The following PBX1 variants were observed in gnomAD, a reference collection of about 807,000 sequenced individuals.
PBX1 encodes the protein PBX homeobox 1.
In PBX1, 6 loss-of-function variants were observed where a neutral mutation model predicts 53.4. The observed-to-expected ratio is 0.11, with a 90% CI of 0.06 to 0.22. The LOEUF (loss-of-function observed/expected upper bound fraction) is 0.22. PBX1 is among the 10% of genes least tolerant of loss of function. The pLI is 1.00. For synonymous variants in PBX1, 204 were observed against 212.3 expected (o/e 0.96, Z 0.34); for missense variants, 251 against 551.4 (o/e 0.46, Z 5.46).
intron 8 of PBX1, among the ~76,000 whole-genome samples, chr1:164,835,366 G>A (rs1420325686): frequency 6.6e-6 from 1 of 151,800 alleles, no homozygotes; most frequent in African/African-American, 2.4e-5. Context: ...AGATCAAAGG[G>A]TATGCATAAG....
At chr1:164,591,594 A>G (rs1308229789) in intron 2 of PBX1, among the ~76,000 whole-genome samples, 1 of 152,218 alleles carries the variant, frequency 6.6e-6, no homozygotes, top group African/African-American at 2.4e-5. Context: ...ATCCTTGCCA[A>G]TTAATTAAAA....
intron 2 of PBX1, among the ~76,000 whole-genome samples, chr1:164,884,883 TA>T (rs1246805348): frequency 3.9e-5 from 6 of 152,198 alleles, no homozygotes; most frequent in Non-Finnish European, 1.5e-5. Context: ...ATGTGATGAA[TA>T]GCTAGGTATA....
At chr1:164,741,248 C>T (rs769684832) in intron 2 of PBX1, among the ~76,000 whole-genome samples, 22 of 152,180 alleles carry the variant, frequency 1.4e-4, no homozygotes, top group South Asian at 2.1e-4. Context: ...AGGCAGCATT[C>T]GTGGGACATG....
chr1:164,618,301 G>GGC (rs1553217615), intron 2 of PBX1, among the ~76,000 whole-genome samples: 1 of 142,182 alleles, frequency 7.0e-6, no homozygotes, highest in South Asian at 2.3e-4. Flanking sequence ...TCACGGCGGG[G>GGC]GGGGGGGGGC....
chr1:164,741,739 A>AGTGT (rs57771496), intron 2 of PBX1, among the ~76,000 whole-genome samples: 10,707 of 140,796 alleles, frequency 0.076, 445 homozygotes, highest in Middle Eastern at 0.091. Context: ...TGTATGAGTG[A>AGTGT]GTGTGTGTGT....
chr1:164,630,414 T>C (rs1344046673), intron 2 of PBX1, among the ~76,000 whole-genome samples: 2 of 152,182 alleles, frequency 1.3e-5, no homozygotes, highest in Non-Finnish European at 2.9e-5. Flanking sequence ...GATCACCTAT[T>C]TGACTAGTGG....
chr1:164,804,910 A>G (rs1352518769), intron 4 of PBX1, among the ~76,000 whole-genome samples: 1 of 152,206 alleles, frequency 6.6e-6, no homozygotes. Context: ...TTTGGGTAAA[A>G]GGTGATCTTA....
intron 2 of PBX1, among the ~76,000 whole-genome samples, chr1:164,582,445 G>T (rs945279541): frequency 1.3e-5 from 2 of 148,384 alleles, no homozygotes; most frequent in Non-Finnish European, 3.0e-5. Context: ...TTTTTGAGAC[G>T]GAGTTTCGCT....
chr1:164,852,310 A>T (rs77894393), downstream of PBX1, among the ~76,000 whole-genome samples: 3,045 of 152,268 alleles, frequency 0.02, 114 homozygotes, highest in African/African-American at 0.067. Flanking sequence ...CAGGAGTGTG[A>T]TAGATGTTAC....
At chr1:164,714,697 T>C (rs918149121) in intron 2 of PBX1, among the ~76,000 whole-genome samples, 15 of 152,290 alleles carry the variant, frequency 9.8e-5, no homozygotes, top group Middle Eastern at 6.8e-3. Flanking sequence ...AGAGACTGAG[T>C]TCTTTAGTTC....
intron 2 of PBX1, among the ~76,000 whole-genome samples, chr1:164,868,997 C>T (rs1571545624): frequency 6.6e-6 from 1 of 152,312 alleles, no homozygotes; most frequent in East Asian, 1.9e-4. Context: ...CGGCCTTTGG[C>T]AGATGGGCCT....
intron 2 of PBX1, among the ~76,000 whole-genome samples, chr1:164,697,729 C>T (rs950591464): frequency 3.9e-5 from 6 of 152,082 alleles, no homozygotes; most frequent in South Asian, 2.1e-4. Flanking sequence ...CAGAGTACTA[C>T]GAATAGCAGT....
At chr1:164,871,161 T>C (rs1006474104) in intron 2 of PBX1, among the ~76,000 whole-genome samples, 1 of 152,182 alleles carries the variant, frequency 6.6e-6, no homozygotes, top group Non-Finnish European at 1.5e-5. Flanking sequence ...AGTCTAAAAC[T>C]AGAAAAATGT....
intron 2 of PBX1, among the ~76,000 whole-genome samples, chr1:164,568,929 CT>C (rs1416772213): frequency 5.3e-5 from 8 of 152,226 alleles, no homozygotes; most frequent in Non-Finnish European, 1.2e-4. Flanking sequence ...ACCCGAAGGT[CT>C]TCTTACCTCT....
chr1:164,778,475 C>G (rs1483348055), intron 2 of PBX1, among the ~76,000 whole-genome samples: 3 of 151,986 alleles, frequency 2.0e-5, no homozygotes, highest in Admixed American at 6.6e-5. Flanking sequence ...GAGGCCCTAT[C>G]TCTACAGAAA....
intron 2 of PBX1, among the ~76,000 whole-genome samples, chr1:164,759,002 A>T (rs1666670948): frequency 6.6e-6 from 1 of 152,184 alleles, no homozygotes; most frequent in Non-Finnish European, 1.5e-5. Flanking sequence ...ACCCTTGGAG[A>T]TAGTAACTGT....
rs1671780837 is a variant in PBX1 at position 164,850,482 on chromosome 1, T to A, written c.*3806T>A. ...CTTAAAAATACAAAAAAAAAAATGT[T>A]TTGTTTTGTGTTATTTTTGGTTTGT... On this transcript the variant is annotated 3_prime_UTR_variant, in exon 9 of 9. Transcript: ENST00000420696. 5.0e-6 allele frequency: 1 copy of A among 198,066 alleles called. No individual in the cohort carries two copies. The highest frequency in any genetic ancestry group is 2.3e-5 in the African/African-American group (1 of 43,374). 12.3% of individuals were successfully genotyped at this position (198,066 alleles called of 1,614,324 possible).
At chr1:164,772,103 C>G (rs536415214) in intron 2 of PBX1, among the ~76,000 whole-genome samples, 24 of 152,332 alleles carry the variant, frequency 1.6e-4, no homozygotes, top group South Asian at 1.2e-3. Context: ...ATCCAAAGAT[C>G]TGCTGCAAAA....
At chr1:164,582,551 T>G (rs1436710445) in intron 2 of PBX1, among the ~76,000 whole-genome samples, 1 of 151,862 alleles carries the variant, frequency 6.6e-6, no homozygotes, top group Non-Finnish European at 1.5e-5. Context: ...GCCTCCCGAG[T>G]AGCTGGGATT....
Sources: allele counts gnomAD v4.1 joint callset (sites outside exome capture counted in the v4.1 genomes callset), GRCh38; gene constraint gnomAD v4.1.1; transcripts MANE v1.5; gene names NCBI Gene and HGNC (gene_info 2026-07-23, HGNC 2026-07-21).